The following GSE1 variants were observed in gnomAD, a reference collection of about 807,000 sequenced individuals.
The protein encoded by GSE1 is Gse1 coiled-coil protein, also known as genetic suppressor element 1.
In GSE1, 32 loss-of-function variants were observed where a neutral mutation model predicts 112.6. The observed-to-expected ratio is 0.28, with a 90% CI of 0.21 to 0.38. GSE1 has a LOEUF of 0.38. Among genes scored for constraint, GSE1 ranks in the 10% least tolerant of loss-of-function variants. The pLI is 1.00. For synonymous variants in GSE1, 1,115 were observed against 735.6 expected, an observed-to-expected ratio of 1.52 and a Z score of -8.35; for missense variants, 2,348 against 1,699.2, an observed-to-expected ratio of 1.38 and a Z score of -6.71.
chr16:85,383,169 G>A (rs2047597363), intron 2 of GSE1, among the ~76,000 whole-genome samples: 1 of 150,954 alleles, frequency 6.6e-6, no homozygotes. Context: ...AGACACCTGG[G>A]TACACAGTGC....
chr16:85,415,342 A>T lies in GSE1; in HGVS notation c.2464+57699A>T, dbSNP rs568825132. Among the ~76,000 whole-genome samples the T allele has an allele frequency of 2.0e-5, 3 of 152,328 alleles. No individual in the cohort carries two copies. The South Asian group carries it at 6.2e-4, about 32-fold the overall frequency. Reference sequence around the variant, plus strand: ...GTCTACAGAGGACCTACAGCAGACGAAGTGCTAAATAGGACATGATGATGA... The same window carrying T: ...GTCTACAGAGGACCTACAGCAGACGTAGTGCTAAATAGGACATGATGATGA... On this transcript the variant is annotated intron_variant, in intron 2 of 2. Coordinates refer to the GSE1 transcript ENST00000637419.
intron 1 of GSE1, among the ~76,000 whole-genome samples, chr16:85,345,615 CT>C (rs1177543498): frequency 3.3e-5 from 5 of 152,180 alleles, no homozygotes; most frequent in African/African-American, 1.2e-4. Flanking sequence ...CCATCCGTTA[CT>C]TTCTCCACCC....
chr16:85,246,711 A>T (rs2143988518), intron 1 of GSE1, among the ~76,000 whole-genome samples: 1 of 151,546 alleles, frequency 6.6e-6, no homozygotes, highest in East Asian at 2.0e-4. Context: ...ACCCTAGTGG[A>T]CTAGAGAGGG....
chr16:85,323,622 C>T (rs1248043974), intron 1 of GSE1, among the ~76,000 whole-genome samples: 1 of 152,182 alleles, frequency 6.6e-6, no homozygotes, highest in Non-Finnish European at 1.5e-5. Flanking sequence ...AACCTGCCAA[C>T]TCTCAGAGGC....
At chr16:85,436,990 G>A (rs183153447) in intron 2 of GSE1, among the ~76,000 whole-genome samples, 3 of 152,330 alleles carry the variant, frequency 2.0e-5, no homozygotes, top group Non-Finnish European at 4.4e-5. Context: ...GGTCGACGCG[G>A]CGGAGCCCGG....
intron 1 of GSE1, among the ~76,000 whole-genome samples, chr16:85,212,177 C>G (rs189540809): frequency 6.6e-6 from 1 of 152,022 alleles, no homozygotes; most frequent in African/African-American, 2.4e-5. Context: ...AGGCCGAGAC[C>G]GGCAGAACAC....
intron 1 of GSE1, among the ~76,000 whole-genome samples, chr16:85,271,344 C>G (rs1788439546): frequency 1.3e-5 from 2 of 152,204 alleles, no homozygotes; most frequent in Non-Finnish European, 2.9e-5. Flanking sequence ...TTTGACATCT[C>G]TGCTCACATG....
At chr16:85,598,849 C>T (rs937555289) in intron 1 of GSE1, among the ~76,000 whole-genome samples, 1 of 152,210 alleles carries the variant, frequency 6.6e-6, no homozygotes, top group African/African-American at 2.4e-5. Context: ...GGACATGGCC[C>T]CTTGTTTGCT....
intron 1 of GSE1, among the ~76,000 whole-genome samples, chr16:85,230,332 G>C (rs1904275185): frequency 6.6e-6 from 1 of 152,190 alleles, no homozygotes. Context: ...TCAGGGCTAA[G>C]CTTCTAGAAG....
chr16:85,349,819 A>G (rs2046817651), intron 1 of GSE1, among the ~76,000 whole-genome samples: 1 of 152,174 alleles, frequency 6.6e-6, no homozygotes, highest in East Asian at 1.9e-4. Context: ...TCAGCCCATC[A>G]GCAAACCTCC....
At chr16:85,612,705 G>T (rs1238912629), upstream of GSE1, among the ~76,000 whole-genome samples, 2 of 151,668 alleles carry the variant, frequency 1.3e-5, no homozygotes, top group Non-Finnish European at 2.9e-5. Flanking sequence ...GGCATGGGGG[G>T]GGTGGGGCTT....
At chr16:85,424,771 C>A (rs1303408877) in intron 2 of GSE1, among the ~76,000 whole-genome samples, 1 of 152,244 alleles carries the variant, frequency 6.6e-6, no homozygotes, top group Admixed American at 6.5e-5. Flanking sequence ...CGCCATGGCA[C>A]CCCCCTCACC....
intron 1 of GSE1, among the ~76,000 whole-genome samples, chr16:85,565,566 G>A (rs531544897): frequency 2.0e-5 from 3 of 152,296 alleles, no homozygotes; most frequent in Admixed American, 6.5e-5. Context: ...AGGGTCCCTC[G>A]AGGGAAGCTC....
intron 1 of GSE1, among the ~76,000 whole-genome samples, chr16:85,604,202 A>G (rs1289285711): frequency 2.0e-5 from 3 of 151,272 alleles, no homozygotes; most frequent in Non-Finnish European, 4.4e-5. Flanking sequence ...CTAAGCAACT[A>G]CTCCTCTGCT....
At position 85,633,947 on chromosome 16, in the gene GSE1, G is replaced by T; in HGVS notation, c.41G>T (p.Gly14Val). Residue 14 changes from glycine (G) to valine (V), a missense_variant, in exon 2 of 16, where the codon GGG becomes GTG. By Grantham distance (109) the Gly-to-Val change is moderately radical. Transcript: ENST00000253458. Reference sequence around the variant, plus strand: ...CATGAGCCCAAGTCCCCTTCGCTAGGGATGCTTTCCACCGCGACCAGGACC... The same window carrying T: ...CATGAGCCCAAGTCCCCTTCGCTAGTGATGCTTTCCACCGCGACCAGGACC... Reference protein sequence around the residue: ...MSHEPKSPSLGMLSTATRTTA... With the variant: ...MSHEPKSPSLVMLSTATRTTA... 2 of 1,612,610 alleles carry T rather than the reference G, an allele frequency of 1.2e-6. No individual in the cohort carries two copies. Among genetic ancestry groups the T allele is most frequent in the Non-Finnish European group, 1.7e-6 (2 of 1,179,560 alleles).
upstream of GSE1, among the ~76,000 whole-genome samples, chr16:85,612,446 C>G (rs1429007047): frequency 6.6e-6 from 1 of 152,080 alleles, no homozygotes; most frequent in African/African-American, 2.4e-5. Context: ...ATGGGTCGTG[C>G]CAGTTTCTGG....
intron 1 of GSE1, among the ~76,000 whole-genome samples, chr16:85,256,486 G>A (rs896864104): frequency 6.6e-5 from 10 of 152,362 alleles, no homozygotes; most frequent in African/African-American, 2.4e-4. Flanking sequence ...TAGCTGAGGT[G>A]TGATGTGGCT....
chr16:85,437,140 C>T (rs1482300528), intron 2 of GSE1, among the ~76,000 whole-genome samples: 1 of 152,110 alleles, frequency 6.6e-6, no homozygotes, highest in African/African-American at 2.4e-5. Context: ...GACGAGGCGG[C>T]CTGCCCCTCC....
chr16:85,181,537 A>C (rs2074584428), intron 1 of GSE1, among the ~76,000 whole-genome samples: 1 of 152,198 alleles, frequency 6.6e-6, no homozygotes, highest in African/African-American at 2.4e-5. Flanking sequence ...GCTCTCTCGC[A>C]TCAGCTTTCA....
Sources: gnomAD v4.1 joint callset for allele counts (sites outside exome capture counted in the v4.1 genomes callset) on GRCh38, gnomAD v4.1.1 for gene constraint, MANE v1.5 for transcripts, NCBI Gene and HGNC (gene_info 2026-07-23, HGNC 2026-07-21) for gene names.